The following CFAP221 variants were observed in gnomAD, a reference collection of about 807,000 sequenced individuals.
CFAP221 encodes the protein cilia- and flagella-associated protein 221.
Under a neutral mutation model 113.1 loss-of-function variants are expected in CFAP221, and 97 were observed. The ratio of observed to expected loss-of-function variants is 0.86; its 90% CI spans 0.73 to 1.02. The LOEUF (loss-of-function observed/expected upper bound fraction) is 1.02. Ranked by LOEUF, CFAP221 falls within the 50% of genes least tolerant of loss-of-function variation. The probability of loss-of-function intolerance (pLI) is 0.00; values close to 1 mark genes in which losing one functional copy is unlikely to be tolerated. For missense variants in CFAP221, 1,025 were observed against 1,013.4 expected (o/e 1.01, Z -0.16); for synonymous variants, 331 against 354.4 (o/e 0.93, Z 0.74).
chr2:119,578,024 A>G (rs1682575301), intron 6 of CFAP221, among the ~76,000 whole-genome samples: 1 of 152,200 alleles, frequency 6.6e-6, no homozygotes, highest in Non-Finnish European at 1.5e-5. Context: ...CCCACTCTCA[A>G]GATGGTCCAC....
intron 14 of CFAP221, among the ~76,000 whole-genome samples, 195 bp downstream of exon 14, chr2:119,615,904 C>T (rs1034811867): frequency 6.6e-6 from 1 of 152,170 alleles, no homozygotes; most frequent in Non-Finnish European, 1.5e-5. Flanking sequence ...AATTTTAGAA[C>T]ATTTTTATCA....
chr2:119,627,571 G>T, intron 15 of CFAP221, 82 bp from the exon 16 acceptor site: 2 of 1,385,956 alleles, frequency 1.4e-6, no homozygotes, highest in Non-Finnish European at 9.9e-7. Context: ...ATTGGTATAT[G>T]GAAAATATGC....
Position 119,609,226 on chromosome 2 carries a change from G to A in CFAP221, c.1221+637G>A, listed in dbSNP as rs182041929. Among the ~76,000 whole-genome samples, 3 of 152,306 alleles carry A rather than the reference G, an allele frequency of 2.0e-5. No individual in the cohort carries two copies. In the East Asian group the frequency reaches 5.8e-4, roughly 29 times the overall value. On this transcript the variant is annotated intron_variant, in intron 12 of 23. Coordinates refer to ENST00000413369, the MANE Select transcript of CFAP221 (RefSeq NM_001271049.2). ...AGAACACTGAGGACAAGTCCACAGTGGCTAAAACACAGGATACACATGGGC... is the reference window on the plus strand; with the variant it reads ...AGAACACTGAGGACAAGTCCACAGTAGCTAAAACACAGGATACACATGGGC...
At chr2:119,653,361 CAA>C (rs923894716) in intron 23 of CFAP221, among the ~76,000 whole-genome samples, 2 of 151,974 alleles carry the variant, frequency 1.3e-5, no homozygotes, top group Admixed American at 6.6e-5. Flanking sequence ...AGCTGGGTGA[CAA>C]GAGCAAAACT....
Position 119,559,860 on chromosome 2 carries a change from T to C in CFAP221, c.328-68T>C, listed in dbSNP as rs941710316. On this transcript the variant is annotated intron_variant, in intron 4 of 23. Transcript: ENST00000413369. ...GTGGGGTGGGGGGTGTGTGGTGTGTTGTCACCCCCGGTGCTGCTCTCTGTG... is the reference window on the plus strand; with the variant it reads ...GTGGGGTGGGGGGTGTGTGGTGTGTCGTCACCCCCGGTGCTGCTCTCTGTG... The C allele has an allele frequency of 2.8e-5, 41 of 1,477,154 alleles. No individual in the cohort carries two copies. In the African/African-American group the frequency reaches 4.9e-4, roughly 18 times the overall value. The allele number at this position is 1,477,154 out of a possible 1,614,324, so 91.5% of individuals were successfully genotyped here.
intron 16 of CFAP221, among the ~76,000 whole-genome samples, chr2:119,628,391 C>T (rs1453486972): frequency 5.3e-5 from 8 of 151,486 alleles, no homozygotes; most frequent in Non-Finnish European, 7.4e-5. Context: ...TCCCTTCGGG[C>T]ACAATGGTGC....
intron 6 of CFAP221, among the ~76,000 whole-genome samples, chr2:119,568,371 G>T (rs1681793915): frequency 6.6e-6 from 1 of 151,890 alleles, no homozygotes. Flanking sequence ...TGTGCAGGAT[G>T]TGCAGGTTTG....
rs1334663595 is a variant in CFAP221, at chr2:119,551,457, A to T, written c.240+2272A>T. 3.9e-5 allele frequency among the ~76,000 whole-genome samples: 6 copies of T among 152,298 alleles called. No individual in the cohort carries two copies. The East Asian group carries it at 1.2e-3, about 29-fold the overall frequency. ...TGAGTTAATTTTTATGTATTATGTG[A>T]GGTAGGGGTTCAACTTCAATCTTTT... On this transcript the variant is annotated intron_variant, in intron 3 of 23. Coordinates refer to ENST00000413369, the MANE Select transcript of CFAP221 (RefSeq NM_001271049.2).
At position 119,549,194 on chromosome 2, in the gene CFAP221, T is replaced by A; in HGVS notation, c.240+9T>A. On this transcript the variant is annotated intron_variant, in intron 3 of 23. Coordinates refer to ENST00000413369, the MANE Select transcript of CFAP221 (RefSeq NM_001271049.2). Reference sequence around the variant, plus strand: ...AACACCAACAGATTCTGGTAGGTACTTTTTAAATGGGATAATTAATCATCA... The same window carrying A: ...AACACCAACAGATTCTGGTAGGTACATTTTAAATGGGATAATTAATCATCA... 6.7e-7 allele frequency: 1 copy of A among 1,492,068 alleles called. No homozygotes were observed. The highest frequency in any genetic ancestry group is 9.0e-7 in the Non-Finnish European group (1 of 1,116,884). The allele number at this position is 1,492,068 out of a possible 1,614,324, so 92.4% of individuals were successfully genotyped here. A position where few individuals can be genotyped will look rare whatever the true frequency, so the allele number is the denominator to read the frequency against.
chr2:119,628,709 TCTA>T (rs1158901286), intron 16 of CFAP221, among the ~76,000 whole-genome samples: 3 of 152,264 alleles, frequency 2.0e-5, no homozygotes, highest in African/African-American at 7.2e-5. Context: ...TTGCAGGTAA[TCTA>T]CTCAAGAATT....
intron 23 of CFAP221, among the ~76,000 whole-genome samples, chr2:119,652,421 CA>C (rs1558675839): frequency 6.6e-6 from 1 of 152,224 alleles, no homozygotes; most frequent in African/African-American, 2.4e-5. Context: ...TAGAAAATCT[CA>C]AGCCAAGTTA....
intron 6 of CFAP221, among the ~76,000 whole-genome samples, chr2:119,565,113 C>T (rs1681527084): frequency 6.6e-6 from 1 of 152,176 alleles, no homozygotes; most frequent in Non-Finnish European, 1.5e-5. Context: ...TCCATTCTCT[C>T]TTTATTTTTC....
rs192124884 is a variant in CFAP221, at chr2:119,634,406, G to A, written c.1974+3505G>A. Among the ~76,000 whole-genome samples, 36 of 152,284 alleles carry A rather than the reference G, an allele frequency of 2.4e-4. No individual in the cohort carries two copies. The East Asian group carries it at 7.0e-3, about 30-fold the overall frequency. On this transcript the variant is annotated intron_variant, in intron 19 of 23. Transcript: ENST00000413369. ...CATTCGAGCCCAGGAGGTCGAGGTT[G>A]CAGTGAGCCATGATGGCACCACTGC...
At chr2:119,645,026 G>A (rs1687717236) in intron 21 of CFAP221, among the ~76,000 whole-genome samples, 1 of 63,618 alleles carries the variant, frequency 1.6e-5, no homozygotes, top group South Asian at 6.0e-4. Flanking sequence ...CAAGTCTTTG[G>A]GTATGTAGTC....
intron 14 of CFAP221, among the ~76,000 whole-genome samples, chr2:119,621,453 A>G (rs1685914849): frequency 6.6e-6 from 1 of 152,190 alleles, no homozygotes; most frequent in South Asian, 2.1e-4. Context: ...GGAGACTTTA[A>G]CGCCCCACTT....
intron 3 of CFAP221, among the ~76,000 whole-genome samples, chr2:119,554,105 A>C (rs746002913): frequency 2.6e-5 from 4 of 152,238 alleles, no homozygotes; most frequent in Non-Finnish European, 4.4e-5. Context: ...GTGAAGCGGA[A>C]GCTTAAGGCA....
intron 3 of CFAP221, 64 bp from the exon 4 acceptor site, chr2:119,559,625 T>A: frequency 7.5e-7 from 1 of 1,331,072 alleles, no homozygotes; most frequent in Non-Finnish European, 1.0e-6. Context: ...GAAGTCTACA[T>A]AAATGAGGTG....
intron 12 of CFAP221, 133 bp from the exon 13 acceptor site, chr2:119,611,520 T>A: frequency 1.5e-6 from 1 of 664,094 alleles, no homozygotes; most frequent in South Asian, 2.0e-5. Context: ...TACCCACTTG[T>A]GTTTCACCAC....
At chr2:119,643,847 G>A (rs1422666585) in intron 21 of CFAP221, among the ~76,000 whole-genome samples, 1 of 151,820 alleles carries the variant, frequency 6.6e-6, no homozygotes, top group East Asian at 2.0e-4. Context: ...GACTGGCCAG[G>A]ACATTAAAAT....
Sources: allele counts gnomAD v4.1 joint callset (sites outside exome capture counted in the v4.1 genomes callset), GRCh38; gene constraint gnomAD v4.1.1; transcripts MANE v1.5; gene names NCBI Gene and HGNC (gene_info 2026-07-23, HGNC 2026-07-21).